The following EEIG2 variants were observed in gnomAD, a reference collection of about 807,000 sequenced individuals.
EEIG2 encodes EEIG family member 2.
At chr1:108,628,529 G>A in the EEIG2 span, 1 of 1,614,014 alleles carries the variant, frequency 6.2e-7, no homozygotes, top group Non-Finnish European at 8.5e-7. Context: ...GAAAATCGCT[G>A]AGCCAAATCT....
chr1:108,628,321 T>C, the EEIG2 span: 1 of 1,611,086 alleles, frequency 6.2e-7, no homozygotes, highest in Admixed American at 1.7e-5. Flanking sequence ...GAAACTGCTG[T>C]GGTGTGGGGG....
chr1:108,600,576 C>G, the EEIG2 span: 1 of 1,610,882 alleles, frequency 6.2e-7, no homozygotes, highest in Non-Finnish European at 8.5e-7. Flanking sequence ...GGAGGTGGTA[C>G]AAGCAAACTG....
chr1:108,575,649 T>C, the EEIG2 span, among the ~76,000 whole-genome samples: 1 of 152,204 alleles, frequency 6.6e-6, no homozygotes, highest in African/African-American at 2.4e-5. Context: ...AATGAAGTAC[T>C]GCTAAATGCA....
the EEIG2 span, chr1:108,638,002 C>T: frequency 6.6e-6 from 1 of 152,630 alleles, no homozygotes; most frequent in Non-Finnish European, 1.5e-5. Flanking sequence ...ATCCTAAACT[C>T]CACCACTCCT....
the EEIG2 span, among the ~76,000 whole-genome samples, chr1:108,564,173 C>T: frequency 6.6e-6 from 1 of 151,648 alleles, no homozygotes; most frequent in African/African-American, 2.4e-5. Context: ...AAAATTAAAC[C>T]TAAGATTCTT....
the EEIG2 span, among the ~76,000 whole-genome samples, chr1:108,599,784 G>T: frequency 0.14 from 20,805 of 152,190 alleles, 2,066 homozygotes; most frequent in African/African-American, 0.28. Flanking sequence ...CTGAGGTCAG[G>T]AGTTCAAGAC....
At chr1:108,628,764 A>G in the EEIG2 span, 3 of 1,613,338 alleles carry the variant, frequency 1.9e-6, no homozygotes, top group Non-Finnish European at 2.5e-6. Flanking sequence ...TAGAGAAAAT[A>G]TTACAAAGTC....
chr1:108,562,198 A>G, the EEIG2 span, among the ~76,000 whole-genome samples: 1 of 152,204 alleles, frequency 6.6e-6, no homozygotes. Context: ...CGATGCCAAG[A>G]TTCTGATCAG....
the EEIG2 span, among the ~76,000 whole-genome samples, chr1:108,614,205 TAAAAA>T: frequency 2.0e-5 from 2 of 101,222 alleles, no homozygotes; most frequent in Admixed American, 1.2e-4. Context: ...ACCCCATCTC[TAAAAA>T]AAAAAAAAAA....
chr1:108,605,690 TAAAA>T, the EEIG2 span, among the ~76,000 whole-genome samples: 1 of 152,242 alleles, frequency 6.6e-6, no homozygotes, highest in East Asian at 1.9e-4. Context: ...TATTTTAAGT[TAAAA>T]AAAGACATCA....
At chr1:108,634,988 T>C in the EEIG2 span, 6 of 888,746 alleles carry the variant, frequency 6.8e-6, no homozygotes, top group African/African-American at 6.7e-5. Context: ...TTAAACGTTA[T>C]GGAAATCAAA....
the EEIG2 span, among the ~76,000 whole-genome samples, chr1:108,570,898 A>G: frequency 2.0e-5 from 3 of 152,202 alleles, no homozygotes; most frequent in Admixed American, 6.5e-5. Flanking sequence ...GTGTGGAAGG[A>G]AAGATGCTGT....
the EEIG2 span, among the ~76,000 whole-genome samples, chr1:108,620,547 G>A: frequency 1.3e-5 from 2 of 152,202 alleles, no homozygotes; most frequent in African/African-American, 2.4e-5. Flanking sequence ...TGGGAATGTG[G>A]TGGCAAAGCA....
chr1:108,596,081 T>C, the EEIG2 span, among the ~76,000 whole-genome samples: 1 of 151,626 alleles, frequency 6.6e-6, no homozygotes, highest in African/African-American at 2.4e-5. Context: ...AAAATAGAGA[T>C]AGTGAACAGG....
the EEIG2 span, chr1:108,636,279 G>A: frequency 6.6e-6 from 1 of 152,142 alleles, no homozygotes; most frequent in Admixed American, 6.5e-5. Flanking sequence ...AAACCTTAGA[G>A]TTTTTCTGTT....
the EEIG2 span, among the ~76,000 whole-genome samples, chr1:108,564,821 C>T: frequency 6.6e-6 from 1 of 151,864 alleles, no homozygotes; most frequent in Non-Finnish European, 1.5e-5. Flanking sequence ...GTGGTGGGCA[C>T]CTGTAATGCC....
the EEIG2 span, among the ~76,000 whole-genome samples, chr1:108,583,997 T>C: frequency 6.6e-6 from 1 of 151,692 alleles, no homozygotes; most frequent in East Asian, 1.9e-4. Context: ...CTCTGTTTAT[T>C]TGGCAATCAG....
the EEIG2 span, among the ~76,000 whole-genome samples, chr1:108,569,831 G>A: frequency 3.3e-5 from 5 of 152,092 alleles, no homozygotes; most frequent in Non-Finnish European, 5.9e-5. Flanking sequence ...CATTCTTTAA[G>A]ATCTAAATCA....
the EEIG2 span, among the ~76,000 whole-genome samples, chr1:108,570,201 G>GT: frequency 4.6e-5 from 7 of 152,240 alleles, no homozygotes; most frequent in Middle Eastern, 3.4e-3. Flanking sequence ...CCTTAGCAGG[G>GT]TTTTTTTAAA....
Sources: gnomAD v4.1 joint callset for allele counts (sites outside exome capture counted in the v4.1 genomes callset) on GRCh38, gnomAD v4.1.1 for gene constraint, MANE v1.5 for transcripts, NCBI Gene and HGNC (gene_info 2026-07-23, HGNC 2026-07-21) for gene names.